ARHGAP24: variants seen among roughly 807,000 people sequenced by gnomAD.
ARHGAP24 encodes Rho GTPase activating protein 24, also known as rho GTPase-activating protein 24.
A neutral mutation model predicts 76.4 loss-of-function variants in ARHGAP24; 50 were observed. That is an observed-to-expected ratio of 0.65 (90% CI 0.52 to 0.83). ARHGAP24 has a LOEUF of 0.83. ARHGAP24 is among the 40% of genes least tolerant of loss of function. The pLI, the probability that ARHGAP24 is intolerant of heterozygous loss-of-function variation, is 0.00. For synonymous variants in ARHGAP24, 345 were observed against 323.3 expected, an observed-to-expected ratio of 1.07 and a Z score of -0.72; for missense variants, 930 against 914.2, an observed-to-expected ratio of 1.02 and a Z score of -0.22.
intron 3 of ARHGAP24, among the ~76,000 whole-genome samples, chr4:85,914,612 C>T (rs573956560): frequency 6.6e-6 from 1 of 152,222 alleles, no homozygotes; most frequent in South Asian, 2.1e-4. Flanking sequence ...AATCTTTGGC[C>T]CTTTATCAAC....
chr4:85,951,960 T>G (rs944999582), intron 5 of ARHGAP24, among the ~76,000 whole-genome samples: 4 of 136,652 alleles, frequency 2.9e-5, no homozygotes, highest in African/African-American at 1.1e-4. Flanking sequence ...AATTTGAATA[T>G]TATTTAATTT....
At chr4:85,983,095 T>C (rs1173623747) in intron 8 of ARHGAP24, among the ~76,000 whole-genome samples, 2 of 152,206 alleles carry the variant, frequency 1.3e-5, no homozygotes, top group Admixed American at 6.5e-5. Context: ...GCAAAGGACA[T>C]GATCTCATTC....
At chr4:85,848,170 G>A (rs1342193616) in intron 3 of ARHGAP24, among the ~76,000 whole-genome samples, 3 of 32,314 alleles carry the variant, frequency 9.3e-5, no homozygotes, top group Non-Finnish European at 6.6e-4. Flanking sequence ...ATATTTACAT[G>A]CATGATTTAA....
intron 3 of ARHGAP24, among the ~76,000 whole-genome samples, chr4:85,908,219 A>G (rs1027361094): frequency 6.6e-6 from 1 of 152,176 alleles, no homozygotes; most frequent in East Asian, 1.9e-4. Context: ...TTTATTTTCT[A>G]TTTTCTTAAC....
At chr4:85,489,827 G>A (rs1723287294) in intron 1 of ARHGAP24, among the ~76,000 whole-genome samples, 1 of 152,138 alleles carries the variant, frequency 6.6e-6, no homozygotes, top group African/African-American at 2.4e-5. Flanking sequence ...GTGAGGGTTA[G>A]AACTTACTTG....
intron 3 of ARHGAP24, among the ~76,000 whole-genome samples, chr4:85,807,774 T>C (rs1728853933): frequency 6.6e-6 from 1 of 152,136 alleles, no homozygotes; most frequent in Non-Finnish European, 1.5e-5. Flanking sequence ...CAAGCCACCA[T>C]TCTCCTCCAC....
At chr4:85,963,357 A>G (rs1157029002) in intron 5 of ARHGAP24, among the ~76,000 whole-genome samples, 2 of 152,100 alleles carry the variant, frequency 1.3e-5, no homozygotes, top group East Asian at 3.8e-4. Flanking sequence ...TAAAATCAGT[A>G]AAGCTGAAGG....
chr4:85,856,826 A>G (rs1731602984), intron 3 of ARHGAP24, among the ~76,000 whole-genome samples: 1 of 152,130 alleles, frequency 6.6e-6, no homozygotes, highest in South Asian at 2.1e-4. Context: ...ATCAAAACCT[A>G]TCCTTAGTGG....
At position 85,722,002 on chromosome 4, in the gene ARHGAP24, A is replaced by G. The variant is rs17010697; in HGVS notation, c.268+30A>G. On this transcript the variant is annotated intron_variant, in intron 3 of 9. Coordinates refer to ENST00000395184, the MANE Select transcript of ARHGAP24 (RefSeq NM_001025616.3). ...GATATTTTCCTAGTCTGATTAAATT[A>G]TTGTCATCCTGTGTTGGTAAAGGTG... is the stretch of plus-strand genomic sequence containing the variant. The G allele has an allele frequency of 2.5e-6, 4 of 1,584,906 alleles. No homozygotes were observed. The African/African-American group carries it at 4.0e-5, about 16-fold the overall frequency.
chr4:85,888,544 G>C (rs895073954), intron 3 of ARHGAP24, among the ~76,000 whole-genome samples: 1 of 151,820 alleles, frequency 6.6e-6, no homozygotes, highest in African/African-American at 2.4e-5. Flanking sequence ...AACTCTGTTT[G>C]TTTGTTTGTT....
At chr4:85,620,963 A>G (rs146522022) in intron 2 of ARHGAP24, among the ~76,000 whole-genome samples, 3 of 151,772 alleles carry the variant, frequency 2.0e-5, no homozygotes, top group Non-Finnish European at 4.4e-5. Context: ...CCTAGTATCT[A>G]TTGTTTTCAT....
At chr4:85,549,872 G>A (rs983287335) in intron 1 of ARHGAP24, among the ~76,000 whole-genome samples, 1 of 152,144 alleles carries the variant, frequency 6.6e-6, no homozygotes, top group Non-Finnish European at 1.5e-5. Flanking sequence ...TTGGTTTTCT[G>A]TTCCTGTGTC....
At chr4:85,671,249 A>G (rs936644443) in intron 2 of ARHGAP24, among the ~76,000 whole-genome samples, 1 of 152,084 alleles carries the variant, frequency 6.6e-6, no homozygotes, top group Non-Finnish European at 1.5e-5. Context: ...ACCTGCAAAA[A>G]GCCTGACTAT....
intron 2 of ARHGAP24, among the ~76,000 whole-genome samples, chr4:85,634,027 G>T (rs1428477818): frequency 1.3e-5 from 2 of 151,814 alleles, no homozygotes; most frequent in African/African-American, 4.8e-5. Flanking sequence ...CTATGTAAAT[G>T]ACTTGACCTT....
In ARHGAP24 at chr4:85,923,838, C is replaced by T. The variant is rs896638280; in HGVS notation, c.391+68C>T. On this transcript the variant is annotated intron_variant, in intron 4 of 9. Transcript: ENST00000395184. ...AAACCTGTTCATCCCTTTCCCCCAG[C>T]GAATGTTACTATTAGCTCCTGTATT... 9 of 1,606,520 alleles carry T rather than the reference C, an allele frequency of 5.6e-6. No homozygotes were observed. Among genetic ancestry groups the T allele is most frequent in the South Asian group, 1.1e-5 (1 of 90,666 alleles).
At chr4:85,499,079 G>A (rs115371731) in intron 1 of ARHGAP24, among the ~76,000 whole-genome samples, 1,583 of 152,138 alleles carry the variant, frequency 0.01, 30 homozygotes, top group African/African-American at 0.036. Context: ...TGTTTGCTTC[G>A]TAGTTATTAC....
intron 1 of ARHGAP24, among the ~76,000 whole-genome samples, chr4:85,533,433 G>T (rs1339260641): frequency 3.3e-5 from 5 of 151,830 alleles, no homozygotes; most frequent in African/African-American, 9.7e-5. Flanking sequence ...AAATTATATT[G>T]TCTTTATAGT....
At chr4:85,721,730 G>A (rs1362744057) in intron 2 of ARHGAP24, among the ~76,000 whole-genome samples, 155 bp from the exon 3 acceptor site, 1 of 152,038 alleles carries the variant, frequency 6.6e-6, no homozygotes, top group Admixed American at 6.6e-5. Flanking sequence ...CATGATTCTG[G>A]CACATAATTT....
At chr4:85,917,864 T>G (rs1383244437) in intron 3 of ARHGAP24, among the ~76,000 whole-genome samples, 1 of 152,158 alleles carries the variant, frequency 6.6e-6, no homozygotes, top group Non-Finnish European at 1.5e-5. Flanking sequence ...ATAAGTACAA[T>G]AAAATGTTTC....
Sources: gnomAD v4.1 joint callset for allele counts (sites outside exome capture counted in the v4.1 genomes callset) on GRCh38, gnomAD v4.1.1 for gene constraint, MANE v1.5 for transcripts, NCBI Gene and HGNC (gene_info 2026-07-23, HGNC 2026-07-21) for gene names.